The following PCDHA5 variants were observed in gnomAD, a reference collection of about 807,000 sequenced individuals.
The protein encoded by PCDHA5 is protocadherin alpha-5.
A neutral mutation model predicts 61.6 loss-of-function variants in PCDHA5; 43 were observed. The ratio of observed to expected loss-of-function variants is 0.70; its 90% confidence interval spans 0.55 to 0.90. PCDHA5 has a LOEUF of 0.90. PCDHA5 is among the 40% of genes least tolerant of loss of function. The pLI is 0.00. For missense variants in PCDHA5, 1,298 were observed against 1,222.7 expected (o/e 1.06, Z -0.92); for synonymous variants, 627 against 543.9 (o/e 1.15, Z -2.13).
intron 1 of PCDHA5, among the ~76,000 whole-genome samples, chr5:140,906,949 A>G (rs1349850915): frequency 1.3e-5 from 2 of 152,144 alleles, no homozygotes; most frequent in Non-Finnish European, 2.9e-5. Flanking sequence ...CTTAATTTCC[A>G]GTTTAATGGA....
chr5:140,856,920 A>T (rs1554149295), intron 1 of PCDHA5: 1 of 1,595,604 alleles, frequency 6.3e-7, no homozygotes, highest in Admixed American at 1.7e-5. Flanking sequence ...ATAAGAAGGA[A>T]ATTTTGGATA....
chr5:140,887,950 A>G (rs1397658604), intron 1 of PCDHA5, among the ~76,000 whole-genome samples: 1 of 152,110 alleles, frequency 6.6e-6, no homozygotes, highest in Non-Finnish European at 1.5e-5. Context: ...TATCTGTATA[A>G]GATTCTTTTT....
In PCDHA5 at chr5:140,897,967, T is replaced by G. The variant is rs1277557012; in HGVS notation, c.2352+73840T>G. On this transcript the variant is annotated intron_variant, in intron 1 of 3. Transcript: ENST00000529859. Reference sequence around the variant, plus strand: ...ATGATTAGCATTTTTTCATGTGTCTTTTGGCTGCATAAATGTCTTCTTTTG... The same window carrying G: ...ATGATTAGCATTTTTTCATGTGTCTGTTGGCTGCATAAATGTCTTCTTTTG... Among the ~76,000 whole-genome samples, 3 of 152,364 alleles carry G rather than the reference T, an allele frequency of 2.0e-5. No homozygotes were observed. In the East Asian group the frequency reaches 5.8e-4, roughly 29 times the overall value.
intron 1 of PCDHA5, chr5:140,829,438 T>A (rs782236378): frequency 2.5e-6 from 4 of 1,613,992 alleles, no homozygotes; most frequent in Non-Finnish European, 3.4e-6. Flanking sequence ...CCGACATGAA[T>A]GACAATGCTC....
intron 1 of PCDHA5, among the ~76,000 whole-genome samples, chr5:140,906,693 G>A (rs887867103): frequency 6.6e-6 from 1 of 152,082 alleles, no homozygotes; most frequent in African/African-American, 2.4e-5. Context: ...GAAGGATCTG[G>A]GCCATTTGTA....
intron 1 of PCDHA5, chr5:140,882,155 T>C (rs1317545188): frequency 1.3e-6 from 2 of 1,504,050 alleles, no homozygotes; most frequent in Admixed American, 2.3e-5. Flanking sequence ...GAAAGCGGAA[T>C]ACCTCTTGCG....
At chr5:140,973,068 G>T (rs1563422416) in intron 1 of PCDHA5, among the ~76,000 whole-genome samples, 1 of 152,140 alleles carries the variant, frequency 6.6e-6, no homozygotes, top group Non-Finnish European at 1.5e-5. Context: ...CAGTGTCTCA[G>T]TGGGCCCAGC....
At chr5:140,995,924 G>A (rs998405229) in intron 3 of PCDHA5, among the ~76,000 whole-genome samples, 16 of 152,308 alleles carry the variant, frequency 1.1e-4, no homozygotes, top group African/African-American at 3.8e-4. Flanking sequence ...ATAGGCTGTT[G>A]TAAGTATTAA....
At position 140,852,925 on chromosome 5, in the gene PCDHA5, C is replaced by G. The variant is rs2150525482; in HGVS notation, c.2352+28798C>G. 94 of 702,082 alleles carry G rather than the reference C, an allele frequency of 1.3e-4. 5 individuals are homozygous for G. The South Asian group carries it at 4.5e-3, about 34-fold the overall frequency. The allele number at this position is 702,082 out of a possible 1,614,324, so 43.5% of individuals were successfully genotyped here. On this transcript the variant is annotated intron_variant, in intron 1 of 3. Coordinates refer to ENST00000529859, the MANE Select transcript of PCDHA5 (RefSeq NM_018908.3). ...TCAGAGTCTCGCTCTGTTGCCCAGG[C>G]TGGAGTGCAGTGGTGCCATCTTGGC...
At chr5:140,852,689 T>C (rs993759166) in intron 1 of PCDHA5, 1 of 972,400 alleles carries the variant, frequency 1.0e-6, no homozygotes, top group Non-Finnish European at 1.2e-6. Flanking sequence ...AATATAGTCT[T>C]ATACTTTCAA....
Position 140,980,544 on chromosome 5 carries a change from C to T in PCDHA5, c.2411+1537C>T, listed in dbSNP as rs111386744. 4.0e-3 allele frequency among the ~76,000 whole-genome samples: 611 copies of T among 152,160 alleles called. 1 individual carries two copies. The highest frequency in any genetic ancestry group is 0.013 in the African/African-American group (560 of 41,516). On this transcript the variant is annotated intron_variant, in intron 2 of 3. Coordinates refer to ENST00000529859, the MANE Select transcript of PCDHA5 (RefSeq NM_018908.3). ...ACTAGGGAGGCTGAGGCAGGAGAAT[C>T]GCTTGAACCCGGGAGGCGGAAGTTG...
At chr5:140,830,256 G>C (rs1770932829) in intron 1 of PCDHA5, 1 of 1,613,562 alleles carries the variant, frequency 6.2e-7, no homozygotes, top group African/African-American at 1.3e-5. Flanking sequence ...ACAGCGCTGC[G>C]GTGCTCGGCG....
In PCDHA5 at chr5:141,009,879, A is replaced by T. The variant is rs2098415109; in HGVS notation, c.2753A>T (p.Asn918Ile). The T allele has an allele frequency of 1.2e-6, 2 of 1,613,766 alleles. No individual in the cohort carries two copies. The highest frequency in any genetic ancestry group is 3.3e-5 in the Admixed American group (2 of 59,900). Reference sequence around the variant, plus strand: ...AAAAAGAAGAAAAAGAAGAAGGGTAACAAGACCCAGGAGAAAAAAGAGAAA... The same window carrying T: ...AAAAAGAAGAAAAAGAAGAAGGGTATCAAGACCCAGGAGAAAAAAGAGAAA... The part of the protein sequence containing the change: ...TKKKKKKKKG[N>I]KTQEKKEKGN... Residue 918 changes from asparagine to isoleucine, a missense_variant, in exon 4 of 4, where the codon AAC (asparagine) becomes ATC (isoleucine). Coordinates refer to ENST00000529859, the MANE Select transcript of PCDHA5 (RefSeq NM_018908.3).
Position 140,829,342 on chromosome 5 carries a change from C to A in PCDHA5, c.2352+5215C>A, listed in dbSNP as rs17844302. On this transcript the variant is annotated intron_variant, in intron 1 of 3. Transcript: ENST00000529859. Reference sequence around the variant, plus strand: ...TGGACAGTGCCCTGGACCGCGAGAGCGTGTCGGCCTATGAGTTGGTGGTAA... The same window carrying A: ...TGGACAGTGCCCTGGACCGCGAGAGAGTGTCGGCCTATGAGTTGGTGGTAA... The A allele has an allele frequency of 4.1e-3, 6,559 of 1,614,192 alleles. 207 individuals carry two copies. In the African/African-American group the frequency reaches 0.072, roughly 18 times the overall value.
chr5:140,905,750 C>T (rs1349523564), intron 1 of PCDHA5, among the ~76,000 whole-genome samples: 1 of 152,102 alleles, frequency 6.6e-6, no homozygotes, highest in Non-Finnish European at 1.5e-5. Flanking sequence ...GATCTTTCAC[C>T]TCCTTGGTTA....
chr5:140,930,197 C>G (rs1417032734), intron 1 of PCDHA5: 1 of 152,080 alleles, frequency 6.6e-6, no homozygotes, highest in African/African-American at 2.4e-5. Flanking sequence ...ATTTTTATGT[C>G]AGAAATATTT....
chr5:140,927,530 GC>G, intron 1 of PCDHA5: 1 of 1,614,080 alleles, frequency 6.2e-7, no homozygotes, highest in Non-Finnish European at 8.5e-7. Flanking sequence ...CTACCTGCCC[GC>G]TCAGGAGACG....
At position 140,822,666 on chromosome 5, in the gene PCDHA5, T is replaced by C. The variant is rs1307479306; in HGVS notation, c.891T>C (p.Asn297=). Residue 297 remains asparagine (N), a synonymous_variant, in exon 1 of 4, where the codon AAT becomes AAC. Transcript: ENST00000529859. The stretch of plus-strand genomic sequence containing the variant: ...AGTCCAAATTTATAATTAATTCTAA[T>C]ACTGGTGAAATAAAAGTTAACGGGG... ...DVKSKFIINS[N]TGEIKVNGEL... The C allele has an allele frequency of 3.7e-6, 6 of 1,608,450 alleles. No individual in the cohort carries two copies. In the Admixed American group the frequency reaches 1.0e-4, roughly 27 times the overall value.
At chr5:141,000,422 T>TATC (rs1491457105) in intron 3 of PCDHA5, among the ~76,000 whole-genome samples, 2 of 51,852 alleles carry the variant, frequency 3.9e-5, no homozygotes, top group African/African-American at 1.7e-4. Context: ...TATATATATA[T>TATC]TTTTTTTTTT....
Sources: allele counts gnomAD v4.1 joint callset (sites outside exome capture counted in the v4.1 genomes callset), GRCh38; gene constraint gnomAD v4.1.1; transcripts MANE v1.5; gene names NCBI Gene and HGNC (gene_info 2026-07-23, HGNC 2026-07-21).